The following PTPRM variants were observed in gnomAD, a reference collection of about 807,000 sequenced individuals.
PTPRM encodes protein tyrosine phosphatase receptor type M.
A neutral mutation model predicts 186.7 loss-of-function variants in PTPRM; 47 were observed. The ratio of observed to expected loss-of-function variants is 0.25; its 90% confidence interval spans 0.20 to 0.32. PTPRM has a LOEUF of 0.32. Ranked by LOEUF, PTPRM falls within the 10% of genes least tolerant of loss-of-function variation. The pLI is 1.00. For synonymous variants in PTPRM, 668 were observed against 674.9 expected, an observed-to-expected ratio of 0.99 and a Z score of 0.16; for missense variants, 1,494 against 1,865.0, an observed-to-expected ratio of 0.80 and a Z score of 3.66.
At chr18:8,103,232 A>C (rs1435271677) in intron 11 of PTPRM, among the ~76,000 whole-genome samples, 1 of 152,210 alleles carries the variant, frequency 6.6e-6, no homozygotes, top group Non-Finnish European at 1.5e-5. Context: ...AGCCCGTAAC[A>C]CAAGAGTCAG....
intron 14 of PTPRM, among the ~76,000 whole-genome samples, chr18:8,160,108 G>C (rs1012074889): frequency 6.6e-6 from 1 of 151,812 alleles, no homozygotes; most frequent in Non-Finnish European, 1.5e-5. Context: ...TTATTTAAAC[G>C]ATCATTTATT....
intron 23 of PTPRM, among the ~76,000 whole-genome samples, chr18:8,350,263 A>G (rs1003006263): frequency 6.6e-6 from 1 of 152,186 alleles, no homozygotes; most frequent in Non-Finnish European, 1.5e-5. Flanking sequence ...GTAAAGAGCC[A>G]AATGCCATTT....
intron 20 of PTPRM, among the ~76,000 whole-genome samples, chr18:8,312,920 G>T (rs752456777): frequency 9.2e-5 from 14 of 152,192 alleles, no homozygotes; most frequent in Non-Finnish European, 7.3e-5. Flanking sequence ...CGTCAAGGAA[G>T]GAAAGTTAGA....
intron 7 of PTPRM, among the ~76,000 whole-genome samples, chr18:8,041,419 G>T (rs796844153): frequency 1.3e-5 from 2 of 151,896 alleles, no homozygotes; most frequent in African/African-American, 4.8e-5. Context: ...ATCATTAAAG[G>T]CATGACTTTG....
At chr18:8,327,051 T>C (rs1228703036) in intron 22 of PTPRM, among the ~76,000 whole-genome samples, 1 of 152,180 alleles carries the variant, frequency 6.6e-6, no homozygotes, top group East Asian at 1.9e-4. Context: ...AACCCCTAAA[T>C]AGCTAGTGAC....
intron 11 of PTPRM, among the ~76,000 whole-genome samples, chr18:8,092,758 A>T (rs1304684173): frequency 6.6e-6 from 1 of 152,164 alleles, no homozygotes; most frequent in African/African-American, 2.4e-5. Flanking sequence ...TGAGGCCAGG[A>T]GTTTGAGACC....
intron 15 of PTPRM, 26 bp from the exon 16 acceptor site, chr18:8,247,819 C>T (rs1246749208): frequency 1.3e-6 from 2 of 1,539,718 alleles, no homozygotes; most frequent in East Asian, 4.5e-5. Context: ...TCTGCTGCCC[C>T]TGACCAGCCT....
chr18:8,356,251 A>T (rs1402542954), intron 23 of PTPRM, among the ~76,000 whole-genome samples: 56 of 152,228 alleles, frequency 3.7e-4, no homozygotes, highest in Non-Finnish European at 1.0e-4. Context: ...AGCTGTAAAC[A>T]GAGGAGCATT....
At chr18:7,570,232 G>C (rs2036534726) in intron 1 of PTPRM, among the ~76,000 whole-genome samples, 1 of 152,234 alleles carries the variant, frequency 6.6e-6, no homozygotes, top group South Asian at 2.1e-4. Context: ...GGTAGTACAG[G>C]TGTGAATCAG....
intron 1 of PTPRM, among the ~76,000 whole-genome samples, chr18:7,687,372 T>C (rs2039626807): frequency 6.6e-6 from 1 of 152,176 alleles, no homozygotes; most frequent in Admixed American, 6.5e-5. Flanking sequence ...TTGGTGAATG[T>C]TCTCAATTTT....
At chr18:8,083,109 G>A (rs2090231127) in intron 9 of PTPRM, among the ~76,000 whole-genome samples, 1 of 151,956 alleles carries the variant, frequency 6.6e-6, no homozygotes, top group Admixed American at 6.6e-5. Flanking sequence ...TCTAGGCCCT[G>A]GACTCTGCTG....
intron 12 of PTPRM, among the ~76,000 whole-genome samples, chr18:8,114,282 T>C (rs2091874193): frequency 6.6e-6 from 1 of 152,104 alleles, no homozygotes; most frequent in African/African-American, 2.4e-5. Context: ...ATTTCTGAAT[T>C]TGCTTCCCCT....
chr18:7,990,114 T>C (rs1465405834), intron 7 of PTPRM, among the ~76,000 whole-genome samples: 2 of 151,976 alleles, frequency 1.3e-5, no homozygotes, highest in African/African-American at 4.8e-5. Context: ...ATGTTGGCCA[T>C]GCTGGTCTTG....
At chr18:8,394,707 AAG>A (rs910604476) in intron 32 of PTPRM, 96 bp downstream of exon 32, 12 of 1,281,136 alleles carry the variant, frequency 9.4e-6, no homozygotes, top group Non-Finnish European at 1.2e-5. Flanking sequence ...TGCGTAGAGG[AAG>A]AGACTCATTT....
chr18:8,231,314 C>T (rs542576115), intron 14 of PTPRM, among the ~76,000 whole-genome samples: 1 of 152,072 alleles, frequency 6.6e-6, no homozygotes, highest in Non-Finnish European at 1.5e-5. Context: ...CCACTGATAC[C>T]CATGGCAGAC....
intron 2 of PTPRM, among the ~76,000 whole-genome samples, chr18:7,884,953 G>GAAAAAAA (rs2048708561): frequency 2.7e-5 from 3 of 110,512 alleles, no homozygotes; most frequent in South Asian, 3.4e-4. Context: ...AAAAAAAAAG[G>GAAAAAAA]AGAGAGAGAA....
intron 14 of PTPRM, among the ~76,000 whole-genome samples, chr18:8,176,966 T>C (rs2093493064): frequency 6.6e-6 from 1 of 152,218 alleles, no homozygotes; most frequent in East Asian, 1.9e-4. Flanking sequence ...CTATCTTGTC[T>C]TTTGACCCTC....
intron 23 of PTPRM, among the ~76,000 whole-genome samples, chr18:8,370,574 T>C (rs1352658584): frequency 6.6e-6 from 1 of 152,230 alleles, no homozygotes; most frequent in East Asian, 1.9e-4. Flanking sequence ...CTTCACAGTT[T>C]ATTTTTGCAG....
intron 1 of PTPRM, among the ~76,000 whole-genome samples, chr18:7,580,061 T>A (rs1352882425): frequency 6.6e-6 from 1 of 152,202 alleles, no homozygotes; most frequent in East Asian, 1.9e-4. Flanking sequence ...ATATGACATC[T>A]CTAACTAGCT....
Sources: gnomAD v4.1 joint callset for allele counts (sites outside exome capture counted in the v4.1 genomes callset) on GRCh38, gnomAD v4.1.1 for gene constraint, MANE v1.5 for transcripts, NCBI Gene and HGNC (gene_info 2026-07-23, HGNC 2026-07-21) for gene names.